The following SLC16A10 variants were observed in gnomAD, a reference collection of about 807,000 sequenced individuals.
The protein encoded by SLC16A10 is monocarboxylate transporter 10.
In SLC16A10, 27 loss-of-function variants were observed where a neutral mutation model predicts 40.0. The ratio of observed to expected loss-of-function variants is 0.67; its 90% CI spans 0.50 to 0.93. The LOEUF is 0.93. Ranked by LOEUF, SLC16A10 falls within the 40% of genes least tolerant of loss-of-function variation. The probability of loss-of-function intolerance (pLI) is 0.00; values close to 1 mark genes in which losing one functional copy is unlikely to be tolerated. For synonymous variants in SLC16A10, 213 were observed against 249.8 expected, an observed-to-expected ratio of 0.85 and a Z score of 1.39; for missense variants, 529 against 658.2, an observed-to-expected ratio of 0.80 and a Z score of 2.15.
At chr6:111,104,744 C>T (rs1229404857) in intron 1 of SLC16A10, among the ~76,000 whole-genome samples, 10 of 152,130 alleles carry the variant, frequency 6.6e-5, no homozygotes, top group Admixed American at 6.6e-4. Context: ...CTAAGAGGAA[C>T]ATGACATAAT....
chr6:111,175,507 A>T (rs1423231809), intron 2 of SLC16A10, among the ~76,000 whole-genome samples: 1 of 152,170 alleles, frequency 6.6e-6, no homozygotes, highest in Non-Finnish European at 1.5e-5. Context: ...ATAGACTTAA[A>T]TTTTTTTCTT....
chr6:111,211,091 T>C (rs1347810826), intron 4 of SLC16A10, among the ~76,000 whole-genome samples: 1 of 151,398 alleles, frequency 6.6e-6, no homozygotes, highest in African/African-American at 2.4e-5. Context: ...TTAAAGTCAC[T>C]GTGGTTGTTC....
At chr6:111,138,074 A>G (rs1191660871) in intron 1 of SLC16A10, among the ~76,000 whole-genome samples, 1 of 152,256 alleles carries the variant, frequency 6.6e-6, no homozygotes, top group Non-Finnish European at 1.5e-5. Flanking sequence ...GCAACTGCAC[A>G]AAAACCAAAC....
At position 111,177,663 on chromosome 6, in the gene SLC16A10, T is replaced by C. The variant is rs748658771; in HGVS notation, c.940T>C (p.Leu314=). The C allele has an allele frequency of 6.5e-7, 1 of 1,538,076 alleles. No homozygotes were observed. The change falls in exon 3 of 6, where the codon TTG becomes CTG. Residue 314 remains leucine (L), a splice_region_variant and synonymous_variant. Transcript: ENST00000368851. The stretch of plus-strand genomic sequence containing the variant: ...TGGATACTTTGTGCCTTATGTTCAC[T>C]TGGTGAGTATGCTCCTTCACTGATC... The part of the protein sequence containing the change: ...LFGYFVPYVH[L]MKHVNERFQD...
intron 1 of SLC16A10, among the ~76,000 whole-genome samples, chr6:111,163,146 ATTTTTTT>A (rs34027805): frequency 1.2e-5 from 1 of 85,308 alleles, no homozygotes. Context: ...CAACATAATA[ATTTTTTT>A]TTTTTTTTTT....
At chr6:111,096,630 A>C (rs1017689796) in intron 1 of SLC16A10, among the ~76,000 whole-genome samples, 2 of 152,234 alleles carry the variant, frequency 1.3e-5, no homozygotes. Flanking sequence ...CTCACCTTGC[A>C]TATAGGAACT....
intron 5 of SLC16A10, among the ~76,000 whole-genome samples, chr6:111,221,354 A>T (rs1770890494): frequency 6.6e-6 from 1 of 152,190 alleles, no homozygotes; most frequent in Non-Finnish European, 1.5e-5. Context: ...TTAACAACCT[A>T]ACTTTCATCC....
chr6:111,193,103 T>C (rs1773023847), intron 3 of SLC16A10, among the ~76,000 whole-genome samples: 1 of 152,188 alleles, frequency 6.6e-6, no homozygotes, highest in African/African-American at 2.4e-5. Flanking sequence ...TCCTCCCACA[T>C]GGCCTCCCAA....
chr6:111,204,868 C>T (rs1773230003), intron 3 of SLC16A10, among the ~76,000 whole-genome samples: 1 of 152,094 alleles, frequency 6.6e-6, no homozygotes, highest in African/African-American at 2.4e-5. Flanking sequence ...TGTCCTTTCT[C>T]TCCAATGAAC....
At position 111,176,629 on chromosome 6, in the gene SLC16A10, G is replaced by A. The variant is rs554961424; in HGVS notation, c.489-583G>A. On this transcript the variant is annotated intron_variant, in intron 2 of 5. Coordinates refer to ENST00000368851, the MANE Select transcript of SLC16A10 (RefSeq NM_018593.5). ...ACAGTGCAGTACAGGGCGAAGGTTGGTCTACAGCCCTTAGGCCAGCAAAAA... is the reference window on the plus strand; with the variant it reads ...ACAGTGCAGTACAGGGCGAAGGTTGATCTACAGCCCTTAGGCCAGCAAAAA... Among the ~76,000 whole-genome samples the A allele has an allele frequency of 7.0e-4, 106 of 152,218 alleles. 3 individuals carry two copies. The highest frequency in any genetic ancestry group is 2.2e-4 in the Non-Finnish European group (15 of 68,034).
intron 4 of SLC16A10, among the ~76,000 whole-genome samples, chr6:111,208,604 A>G (rs1210911477): frequency 6.6e-6 from 1 of 152,048 alleles, no homozygotes; most frequent in African/African-American, 2.4e-5. Flanking sequence ...TCAATCTGGT[A>G]ACTGTGAAGA....
Position 111,087,932 on chromosome 6 carries a change from GC to G in SLC16A10, c.186del (p.Glu63AsnfsTer11). The G allele has an allele frequency of 6.2e-7, 1 of 1,604,164 alleles. No individual in the cohort carries two copies. Among genetic ancestry groups the G allele is most frequent in the Admixed American group, 1.7e-5 (1 of 58,820 alleles). On this transcript the variant is annotated frameshift_variant, in exon 1 of 6. Transcript: ENST00000368851. LOFTEE classifies it high-confidence loss of function. Reference sequence around the variant, plus strand: ...GGCCGGCGACCGCGGAGCCCCATGAGCCCCCCGAACCCCCCGAGGGCGGCTG... The same window carrying G: ...GGCCGGCGACCGCGGAGCCCCATGAGCCCCCGAACCCCCCGAGGGCGGCTG... Reference protein sequence around the residue: ...AGPATAEPHEPPEPPEGGWGW... With the variant: ...AGPATAEPHEXPEPPEGGWGW...
intron 1 of SLC16A10, among the ~76,000 whole-genome samples, chr6:111,133,839 C>T (rs918636988): frequency 3.3e-5 from 5 of 152,130 alleles, no homozygotes; most frequent in Middle Eastern, 6.3e-3. Context: ...ACCCTCCAAG[C>T]GGTGGGAGAA....
intron 1 of SLC16A10, among the ~76,000 whole-genome samples, chr6:111,149,225 C>T (rs1280240101): frequency 6.6e-6 from 1 of 152,182 alleles, no homozygotes; most frequent in Non-Finnish European, 1.5e-5. Context: ...GGTCCCCCAA[C>T]CACCCACCCC....
intron 1 of SLC16A10, among the ~76,000 whole-genome samples, chr6:111,132,011 A>G (rs1213569089): frequency 6.6e-6 from 1 of 152,130 alleles, no homozygotes; most frequent in Non-Finnish European, 1.5e-5. Flanking sequence ...TGTATCTCCA[A>G]AGGGATCTAA....
chr6:111,127,938 A>G (rs1183291289), intron 1 of SLC16A10, among the ~76,000 whole-genome samples: 1 of 152,162 alleles, frequency 6.6e-6, no homozygotes, highest in Non-Finnish European at 1.5e-5. Context: ...GCTTCTTGAG[A>G]TTACATGAGT....
intron 1 of SLC16A10, among the ~76,000 whole-genome samples, chr6:111,168,035 AG>A (rs1305741631): frequency 1.3e-5 from 2 of 151,578 alleles, no homozygotes; most frequent in African/African-American, 4.9e-5. Context: ...GCTGGAATGC[AG>A]TGGCACAGTC....
intron 1 of SLC16A10, among the ~76,000 whole-genome samples, chr6:111,150,694 C>T (rs1229211677): frequency 6.6e-6 from 1 of 152,090 alleles, no homozygotes; most frequent in East Asian, 1.9e-4. Flanking sequence ...ATGCTCAGTT[C>T]TTTCTACCAA....
chr6:111,116,968 T>C (rs774101948), intron 1 of SLC16A10, among the ~76,000 whole-genome samples: 1 of 152,154 alleles, frequency 6.6e-6, no homozygotes, highest in Admixed American at 6.5e-5. Flanking sequence ...GCAGTACATG[T>C]ATTGATTATT....
Sources: allele counts gnomAD v4.1 joint callset (sites outside exome capture counted in the v4.1 genomes callset), GRCh38; gene constraint gnomAD v4.1.1; transcripts MANE v1.5; gene names NCBI Gene and HGNC (gene_info 2026-07-23, HGNC 2026-07-21).